Variants in FHIT observed in about 807,000 individuals in gnomAD.
FHIT encodes fragile histidine triad diadenosine triphosphatase.
A neutral mutation model predicts 17.9 loss-of-function variants in FHIT; 19 were observed. That is an observed-to-expected ratio of 1.06 (90% CI 0.74 to 1.56). The LOEUF (loss-of-function observed/expected upper bound fraction) is 1.56. FHIT is among the 40% of genes most tolerant of loss of function. The pLI is 0.00. For missense variants in FHIT, 248 were observed against 189.2 expected (o/e 1.31, Z -1.82); for synonymous variants, 81 against 69.7 (o/e 1.16, Z -0.81).
chr3:60,912,904 A>T, intron 3 of FHIT: 1 of 399,124 alleles, frequency 2.5e-6, no homozygotes, highest in South Asian at 2.2e-5. Flanking sequence ...ATGTGCAAGT[A>T]CATGTTAATA....
chr3:59,899,500 G>A (rs73839594), intron 8 of FHIT, among the ~76,000 whole-genome samples: 5,021 of 152,234 alleles, frequency 0.033, 260 homozygotes, highest in African/African-American at 0.11. Flanking sequence ...TGCCAGTTAG[G>A]TGATATTGAA....
chr3:60,840,965 A>G (rs1702708079), intron 3 of FHIT, among the ~76,000 whole-genome samples: 1 of 152,236 alleles, frequency 6.6e-6, no homozygotes, highest in Admixed American at 6.5e-5. Context: ...TTGCTTGATA[A>G]TAGAAAAGCA....
intron 5 of FHIT, among the ~76,000 whole-genome samples, chr3:60,221,423 C>G (rs1703953888): frequency 6.6e-6 from 1 of 152,138 alleles, no homozygotes; most frequent in Admixed American, 6.5e-5. Flanking sequence ...AGATGCCTGC[C>G]TCTATCCATC....
At chr3:60,865,423 G>A (rs1282854185) in intron 3 of FHIT, among the ~76,000 whole-genome samples, 1 of 152,094 alleles carries the variant, frequency 6.6e-6, no homozygotes, top group East Asian at 1.9e-4. Flanking sequence ...ATATCTGTTG[G>A]GAAAAAAATG....
At chr3:59,790,175 T>A (rs1699488730) in intron 8 of FHIT, among the ~76,000 whole-genome samples, 2 of 152,314 alleles carry the variant, frequency 1.3e-5, no homozygotes, top group South Asian at 4.1e-4. Context: ...AATTGTTCAA[T>A]AATAGGGCCA....
chr3:61,158,235 A>C (rs1297529098), intron 2 of FHIT, among the ~76,000 whole-genome samples: 1 of 152,218 alleles, frequency 6.6e-6, no homozygotes, highest in Non-Finnish European at 1.5e-5. Flanking sequence ...CTTTTTATTA[A>C]ATGCAAATGT....
intron 5 of FHIT, among the ~76,000 whole-genome samples, chr3:60,192,424 T>G (rs1270250561): frequency 6.6e-6 from 1 of 152,106 alleles, no homozygotes; most frequent in Non-Finnish European, 1.5e-5. Flanking sequence ...ATGCCTTTCA[T>G]GAAAGCCAAC....
intron 5 of FHIT, among the ~76,000 whole-genome samples, chr3:60,380,892 C>T (rs1410738341): frequency 2.6e-5 from 4 of 152,084 alleles, no homozygotes; most frequent in Admixed American, 2.6e-4. Flanking sequence ...TTTATAAATC[C>T]CAGTAATAGT....
In FHIT at chr3:61,222,162, G is replaced by A. The variant is rs193238409; in HGVS notation, c.-212-21497C>T. 4.7e-4 allele frequency among the ~76,000 whole-genome samples: 72 copies of A among 152,306 alleles called. No individual in the cohort carries two copies. The East Asian group carries it at 9.8e-3, about 21-fold the overall frequency. On this transcript the variant is annotated intron_variant, in intron 1 of 9. Transcript: ENST00000492590. ...TTAATCTGACAGACACTGCGGACAG[G>A]GAAACTCAGAGCAGACCAAAGTTCA...
intron 4 of FHIT, among the ~76,000 whole-genome samples, chr3:60,675,303 T>C (rs2040596365): frequency 6.6e-6 from 1 of 152,220 alleles, no homozygotes; most frequent in South Asian, 2.1e-4. Flanking sequence ...ATGATCCTAT[T>C]TATTCTACCA....
chr3:59,987,629 C>T (rs945943220), intron 7 of FHIT, among the ~76,000 whole-genome samples: 1 of 152,068 alleles, frequency 6.6e-6, no homozygotes, highest in African/African-American at 2.4e-5. Flanking sequence ...GCGAGGCTGA[C>T]TCTTTCCTCT....
chr3:60,115,644 GT>G (rs1704923235), intron 5 of FHIT, among the ~76,000 whole-genome samples: 1 of 152,094 alleles, frequency 6.6e-6, no homozygotes, highest in Admixed American at 6.6e-5. Context: ...ATTTGTCACA[GT>G]TTTATGTATA....
chr3:61,205,766 G>C (rs1375497979), intron 1 of FHIT, among the ~76,000 whole-genome samples: 2 of 151,982 alleles, frequency 1.3e-5, no homozygotes, highest in Non-Finnish European at 2.9e-5. Context: ...CATTCTGTAG[G>C]TTGCCTGTTC....
chr3:61,027,041 A>T (rs2032768584), intron 3 of FHIT, among the ~76,000 whole-genome samples: 1 of 152,170 alleles, frequency 6.6e-6, no homozygotes, highest in Admixed American at 6.5e-5. Flanking sequence ...ACAATTAAAT[A>T]AAAATATTTT....
intron 7 of FHIT, among the ~76,000 whole-genome samples, chr3:59,936,675 T>C (rs984355349): frequency 9.2e-5 from 14 of 152,092 alleles, no homozygotes; most frequent in African/African-American, 3.4e-4. Flanking sequence ...TTGTGAAATA[T>C]GATCAGTCCA....
intron 3 of FHIT, among the ~76,000 whole-genome samples, chr3:60,924,662 G>A (rs1026485241): frequency 6.6e-5 from 10 of 152,086 alleles, no homozygotes; most frequent in African/African-American, 1.7e-4. Context: ...TCTCCTCCTC[G>A]AAAGGAACGC....
intron 5 of FHIT, among the ~76,000 whole-genome samples, chr3:60,201,350 C>T (rs760112136): frequency 1.2e-4 from 18 of 151,978 alleles, no homozygotes; most frequent in Non-Finnish European, 2.1e-4. Context: ...AACCACAATA[C>T]TATCTATTTT....
At chr3:60,881,995 G>A (rs1022326238) in intron 3 of FHIT, among the ~76,000 whole-genome samples, 7 of 151,610 alleles carry the variant, frequency 4.6e-5, no homozygotes, top group African/African-American at 1.5e-4. Context: ...AACAAACCAC[G>A]AGCTAAACTA....
intron 5 of FHIT, among the ~76,000 whole-genome samples, chr3:60,337,615 TCA>T (rs1710306969): frequency 6.6e-6 from 1 of 152,166 alleles, no homozygotes. Context: ...CTCATATCCC[TCA>T]GAGGCTTTCA....
Sources: gnomAD v4.1 joint callset for allele counts (sites outside exome capture counted in the v4.1 genomes callset) on GRCh38, gnomAD v4.1.1 for gene constraint, MANE v1.5 for transcripts, NCBI Gene and HGNC (gene_info 2026-07-23, HGNC 2026-07-21) for gene names.